LURAP1: variants seen among roughly 807,000 people sequenced by gnomAD.
LURAP1 encodes the protein NF-kappa-B activator C1orf190.
LURAP1 carries 14 observed loss-of-function variants against 19.0 expected under a neutral mutation model. The observed-to-expected ratio is 0.74, with a 90% CI of 0.49 to 1.15. LURAP1 has a LOEUF of 1.15. Among genes scored for constraint, LURAP1 ranks in the 50% most tolerant of loss-of-function variants. The probability of loss-of-function intolerance (pLI) is 0.00; values close to 1 mark genes in which losing one functional copy is unlikely to be tolerated. For synonymous variants in LURAP1, 129 were observed against 131.8 expected, an observed-to-expected ratio of 0.98 and a Z score of 0.14; for missense variants, 273 against 309.1, an observed-to-expected ratio of 0.88 and a Z score of 0.87.
intron 1 of LURAP1, among the ~76,000 whole-genome samples, chr1:46,217,172 T>C (rs1659095414): frequency 6.6e-6 from 1 of 152,166 alleles, no homozygotes; most frequent in Admixed American, 6.5e-5. Flanking sequence ...ACCAAGATGA[T>C]AATGGAGGGA....
chr1:46,219,631 G>A, intron 1 of LURAP1, 68 bp from the exon 2 acceptor site: 2 of 1,475,906 alleles, frequency 1.4e-6, no homozygotes, highest in Non-Finnish European at 1.8e-6. Flanking sequence ...ACAAGGTAGT[G>A]GCCTGTGGAA....
At chr1:46,207,907 G>A (rs193280805) in intron 1 of LURAP1, among the ~76,000 whole-genome samples, 7 of 151,450 alleles carry the variant, frequency 4.6e-5, no homozygotes, top group South Asian at 2.1e-4. Context: ...CGTTCTTGGC[G>A]TCCAGGCTGG....
rs1658614944 is a variant in LURAP1, at chr1:46,203,532, G to A, written c.106G>A (p.Glu36Lys). 6.4e-7 allele frequency: 1 copy of A among 1,567,934 alleles called. No homozygotes were observed. Among genetic ancestry groups the A allele is most frequent in the Admixed American group, 1.9e-5 (1 of 52,620 alleles). ...GLLRGLRGECELGTSGALLLP... is the reference protein window; with the variant it reads ...GLLRGLRGECKLGTSGALLLP... ...GCTCCGCGGGCTGCGAGGCGAGTGT[G>A]AGCTGGGAACCTCTGGCGCCCTGCT... Residue 36 changes from glutamate (E) to lysine (K), a missense_variant, in exon 1 of 2, where the codon GAG becomes AAG. By Grantham distance (56) the Glu-to-Lys change is moderately conservative (BLOSUM62 1). Coordinates refer to ENST00000371980, the MANE Select transcript of LURAP1 (RefSeq NM_001013615.3).
intron 1 of LURAP1, among the ~76,000 whole-genome samples, chr1:46,218,623 A>C (rs890178788): frequency 1.2e-4 from 18 of 152,194 alleles, no homozygotes; most frequent in African/African-American, 4.1e-4. Context: ...GAGCAGTGCA[A>C]TGCCTATAAA....
chr1:46,212,072 A>C (rs1658914296), intron 1 of LURAP1, among the ~76,000 whole-genome samples: 1 of 152,030 alleles, frequency 6.6e-6, no homozygotes, highest in Non-Finnish European at 1.5e-5. Context: ...TCAATGTACA[A>C]ATATTAATGC....
intron 1 of LURAP1, among the ~76,000 whole-genome samples, chr1:46,210,822 T>G (rs568773335): frequency 6.6e-6 from 1 of 152,294 alleles, no homozygotes; most frequent in African/African-American, 2.4e-5. Context: ...TTGCCCAGGT[T>G]GGAGTACAGT....
At chr1:46,204,636 G>T (rs566098129) in intron 1 of LURAP1, among the ~76,000 whole-genome samples, 103 of 152,334 alleles carry the variant, frequency 6.8e-4, no homozygotes, top group African/African-American at 2.5e-3. Context: ...GAGCTGAGAG[G>T]CTGGGAAGAG....
In LURAP1 at chr1:46,220,217, G is replaced by T; in HGVS notation, c.717G>T (p.Leu239Phe). 6.2e-7 allele frequency: 1 copy of T among 1,603,738 alleles called. No homozygotes were observed. Among genetic ancestry groups the T allele is most frequent in the Non-Finnish European group, 8.5e-7 (1 of 1,174,152 alleles). Residue 239 changes from leucine to phenylalanine, a missense_variant, in exon 2 of 2, where the codon TTG becomes TTT. Coordinates refer to ENST00000371980, the MANE Select transcript of LURAP1 (RefSeq NM_001013615.3). Reference protein sequence around the residue: ...WEQCQDDVTFL With the variant: ...WEQCQDDVTFF ...AGTGCCAGGATGATGTGACCTTCTT[G>T]TAACAACTATTCCACCCTTTTGTAA...
intron 1 of LURAP1, among the ~76,000 whole-genome samples, chr1:46,218,882 G>T (rs1364501695): frequency 6.6e-6 from 1 of 151,960 alleles, no homozygotes; most frequent in African/African-American, 2.4e-5. Flanking sequence ...AGGGAACCAG[G>T]TTAGCTCTCT....
chr1:46,211,309 G>T (rs985739192), intron 1 of LURAP1, among the ~76,000 whole-genome samples: 2 of 152,136 alleles, frequency 1.3e-5, no homozygotes, highest in Non-Finnish European at 2.9e-5. Context: ...ACTCTGGGAA[G>T]GTGAGAGGAG....
At chr1:46,214,867 CAAA>C (rs5773905) in intron 1 of LURAP1, among the ~76,000 whole-genome samples, 2,102 of 89,462 alleles carry the variant, frequency 0.023, 46 homozygotes, top group African/African-American at 0.093. Context: ...GACTCCATCT[CAAA>C]AAAAAAAAAA....
intron 1 of LURAP1, among the ~76,000 whole-genome samples, chr1:46,216,736 T>G (rs1420768934): frequency 6.6e-6 from 1 of 152,276 alleles, no homozygotes; most frequent in South Asian, 2.1e-4. Context: ...GTTGAACCCA[T>G]CACCCAGGAA....
rs755973618 is a variant in LURAP1, at chr1:46,203,401, C to T, written c.-26C>T. The T allele has an allele frequency of 2.1e-6, 3 of 1,439,272 alleles. No homozygotes were observed. The highest frequency in any genetic ancestry group is 2.7e-6 in the Non-Finnish European group (3 of 1,093,380). The allele number at this position is 1,439,272 out of a possible 1,614,324, so 89.2% of individuals were successfully genotyped here. ...GAGCCGGTCCCCGGCGTCCGGTCGC[C>T]CAGCCCTTTTCAGGCTTGGGCCCGC... On this transcript the variant is annotated 5_prime_UTR_variant, in exon 1 of 2. Transcript: ENST00000371980.
At chr1:46,206,234 G>A (rs1658710257) in intron 1 of LURAP1, among the ~76,000 whole-genome samples, 1 of 152,228 alleles carries the variant, frequency 6.6e-6, no homozygotes, top group African/African-American at 2.4e-5. Flanking sequence ...GCAGCACTCT[G>A]TCTCTCTCCT....
chr1:46,208,288 A>C (rs1469755347), intron 1 of LURAP1, among the ~76,000 whole-genome samples: 1 of 152,168 alleles, frequency 6.6e-6, no homozygotes, highest in Non-Finnish European at 1.5e-5. Context: ...CACAATGCCA[A>C]GCCAACCACA....
At chr1:46,210,264 CTGTGTG>C (rs558204802) in intron 1 of LURAP1, among the ~76,000 whole-genome samples, 1 of 152,006 alleles carries the variant, frequency 6.6e-6, no homozygotes, top group Non-Finnish European at 1.5e-5. Flanking sequence ...AAACCCTAAA[CTGTGTG>C]TGTGTGTTTT....
rs551760677 is a variant in LURAP1 at position 46,212,670 on chromosome 1, G to C, written c.199-7029G>C. Among the ~76,000 whole-genome samples the C allele has an allele frequency of 2.6e-5, 4 of 152,164 alleles. No homozygotes were observed. In the East Asian group the frequency reaches 7.7e-4, roughly 29 times the overall value. On this transcript the variant is annotated intron_variant, in intron 1 of 1. Transcript: ENST00000371980. ...CAGCTCACTGTAACCTCTGCCTCCC[G>C]GGTTCAAGTGATTCTCCTGCCTGAG...
chr1:46,207,288 C>A (rs1050579045), intron 1 of LURAP1, among the ~76,000 whole-genome samples: 2 of 152,036 alleles, frequency 1.3e-5, no homozygotes, highest in Non-Finnish European at 2.9e-5. Flanking sequence ...GCCATGTTGG[C>A]CAGGCTGGTT....
chr1:46,216,281 C>T (rs1455504509), intron 1 of LURAP1, among the ~76,000 whole-genome samples: 2 of 151,896 alleles, frequency 1.3e-5, no homozygotes, highest in African/African-American at 4.8e-5. Context: ...CTCCTGACCT[C>T]GTGATCCACC....
Sources: gnomAD v4.1 joint callset for allele counts (sites outside exome capture counted in the v4.1 genomes callset) on GRCh38, gnomAD v4.1.1 for gene constraint, MANE v1.5 for transcripts, NCBI Gene and HGNC (gene_info 2026-07-23, HGNC 2026-07-21) for gene names.